The following PRR16 variants were observed in gnomAD, a reference collection of about 807,000 sequenced individuals.
The protein encoded by PRR16 is protein Largen.
PRR16 carries 6 observed loss-of-function variants against 18.2 expected under a neutral mutation model. That is an observed-to-expected ratio of 0.33 (90% CI 0.18 to 0.65). PRR16 has a LOEUF of 0.65. PRR16 is among the 30% of genes least tolerant of loss of function. The probability of loss-of-function intolerance (pLI) is 0.74; values close to 1 mark genes in which losing one functional copy is unlikely to be tolerated. For synonymous variants in PRR16, 151 were observed against 147.8 expected (o/e 1.02, Z -0.16); for missense variants, 412 against 376.6 (o/e 1.09, Z -0.78).
At chr5:120,482,053 A>C (rs1749634459) in intron 1 of PRR16, among the ~76,000 whole-genome samples, 1 of 152,194 alleles carries the variant, frequency 6.6e-6, no homozygotes. Flanking sequence ...AGTATGTTAT[A>C]CAAAGAATGA....
chr5:120,502,277 A>G (rs1007783581), intron 1 of PRR16, among the ~76,000 whole-genome samples: 6 of 150,634 alleles, frequency 4.0e-5, no homozygotes, highest in South Asian at 2.1e-4. Flanking sequence ...TCATTATTCT[A>G]TTCTTGTTTT....
At chr5:120,643,166 A>G (rs1755477644) in intron 1 of PRR16, among the ~76,000 whole-genome samples, 1 of 150,134 alleles carries the variant, frequency 6.7e-6, no homozygotes, top group South Asian at 2.1e-4. Flanking sequence ...GTTTGAAACA[A>G]AGAAGAGACA....
intron 1 of PRR16, among the ~76,000 whole-genome samples, chr5:120,506,522 A>G (rs908943209): frequency 3.3e-5 from 5 of 152,082 alleles, no homozygotes; most frequent in Admixed American, 6.6e-5. Context: ...TATGCTGGCC[A>G]TTTTTATTAT....
At chr5:120,525,976 C>A (rs1300325191) in intron 1 of PRR16, among the ~76,000 whole-genome samples, 4 of 152,078 alleles carry the variant, frequency 2.6e-5, no homozygotes, top group Admixed American at 6.5e-5. Context: ...CAGATTAAAC[C>A]AGATCTGAAG....
the PRR16 span, among the ~76,000 whole-genome samples, chr5:120,743,746 G>C: frequency 3.3e-4 from 50 of 152,108 alleles, no homozygotes; most frequent in Middle Eastern, 3.4e-3. Flanking sequence ...AATTGAATTT[G>C]CTCTTTCAGG....
At chr5:120,577,552 A>G (rs981901353) in intron 1 of PRR16, among the ~76,000 whole-genome samples, 6 of 152,110 alleles carry the variant, frequency 3.9e-5, no homozygotes, top group African/African-American at 1.4e-4. Context: ...CATTTCACAA[A>G]CACTACCTCT....
chr5:120,490,985 A>G (rs1000331143), intron 1 of PRR16, among the ~76,000 whole-genome samples: 1 of 152,118 alleles, frequency 6.6e-6, no homozygotes, highest in Non-Finnish European at 1.5e-5. Context: ...GTGAACAGCA[A>G]ATGTTGCTGC....
chr5:120,650,552 C>A (rs1755745978), intron 1 of PRR16, among the ~76,000 whole-genome samples: 1 of 146,052 alleles, frequency 6.8e-6, no homozygotes. Flanking sequence ...TTGTTCAATT[C>A]CCACCTATGA....
At chr5:120,568,647 A>G (rs1233248028) in intron 1 of PRR16, among the ~76,000 whole-genome samples, 3 of 152,140 alleles carry the variant, frequency 2.0e-5, no homozygotes, top group African/African-American at 4.8e-5. Flanking sequence ...CAGATATGCT[A>G]TAGTATTTTA....
chr5:120,549,372 C>G (rs534842015), intron 1 of PRR16, among the ~76,000 whole-genome samples: 6 of 152,162 alleles, frequency 3.9e-5, no homozygotes, highest in Non-Finnish European at 8.8e-5. Context: ...CCACCACACC[C>G]AGGGCCCAGG....
At chr5:120,619,815 C>G (rs1754629437) in intron 1 of PRR16, among the ~76,000 whole-genome samples, 3 of 151,732 alleles carry the variant, frequency 2.0e-5, no homozygotes. Flanking sequence ...ATGCACTGTG[C>G]TAGAAAAAAG....
rs2655068 is a variant in PRR16 at position 120,478,582 on chromosome 5, A to G, written c.159+13937A>G. On this transcript the variant is annotated intron_variant, in intron 1 of 1. Coordinates refer to ENST00000407149, the MANE Select transcript of PRR16 (RefSeq NM_001300783.2). ...CAGTGGCTCCCACATTGTCCCTCCT[A>G]TGTAGAAATTTTGGAGACATTTTGT... Among the ~76,000 whole-genome samples the G allele has an allele frequency of 5.9e-3, 902 of 152,172 alleles. 11 individuals are homozygous for G. Among genetic ancestry groups the G allele is most frequent in the African/African-American group, 0.019 (801 of 41,530 alleles).
chr5:120,789,593 A>G, the PRR16 span, among the ~76,000 whole-genome samples: 3 of 152,254 alleles, frequency 2.0e-5, no homozygotes, highest in East Asian at 1.9e-4. Flanking sequence ...TTCAAATGAA[A>G]GATCTACCTC....
chr5:120,628,295 T>C (rs570649488), intron 1 of PRR16, among the ~76,000 whole-genome samples: 1 of 152,172 alleles, frequency 6.6e-6, no homozygotes, highest in East Asian at 1.9e-4. Context: ...TCTAGTTATA[T>C]TTATTTATTT....
At chr5:120,734,030 G>T in the PRR16 span, among the ~76,000 whole-genome samples, 1 of 152,136 alleles carries the variant, frequency 6.6e-6, no homozygotes, top group Non-Finnish European at 1.5e-5. Flanking sequence ...ACAACTGTGT[G>T]ACTGATTTTT....
intron 1 of PRR16, among the ~76,000 whole-genome samples, chr5:120,635,764 G>C (rs1755207478): frequency 6.6e-6 from 1 of 152,092 alleles, no homozygotes; most frequent in African/African-American, 2.4e-5. Context: ...GAAAGTCCTA[G>C]CCAGAGCAAT....
chr5:120,663,146 G>A (rs1756234391), intron 1 of PRR16, among the ~76,000 whole-genome samples: 1 of 152,070 alleles, frequency 6.6e-6, no homozygotes, highest in Non-Finnish European at 1.5e-5. Context: ...TATTTCACTG[G>A]TACCAGTGTG....
chr5:120,742,643 A>G, the PRR16 span, among the ~76,000 whole-genome samples: 1 of 152,182 alleles, frequency 6.6e-6, no homozygotes, highest in Non-Finnish European at 1.5e-5. Flanking sequence ...TTTTAAAATA[A>G]TGCATCTAAA....
intron 1 of PRR16, among the ~76,000 whole-genome samples, chr5:120,500,282 A>G (rs1218434466): frequency 6.6e-6 from 1 of 152,202 alleles, no homozygotes; most frequent in Non-Finnish European, 1.5e-5. Flanking sequence ...ACATTAGGCA[A>G]AAAGAAAACC....
Sources: gnomAD v4.1 joint callset for allele counts (sites outside exome capture counted in the v4.1 genomes callset) on GRCh38, gnomAD v4.1.1 for gene constraint, MANE v1.5 for transcripts, NCBI Gene and HGNC (gene_info 2026-07-23, HGNC 2026-07-21) for gene names.